ARHGAP24: variants seen among roughly 807,000 people sequenced by gnomAD.
ARHGAP24 encodes the protein Rho GTPase activating protein 24.
In ARHGAP24, 50 loss-of-function variants were observed where a neutral mutation model predicts 76.4. That is an observed-to-expected ratio of 0.65 (90% confidence interval 0.52 to 0.83). ARHGAP24 has a LOEUF of 0.83. Among genes scored for constraint, ARHGAP24 ranks in the 40% least tolerant of loss-of-function variants. ARHGAP24 has a pLI of 0.00. For missense variants in ARHGAP24, 930 were observed against 914.2 expected, an observed-to-expected ratio of 1.02 and a Z score of -0.22; for synonymous variants, 345 against 323.3, an observed-to-expected ratio of 1.07 and a Z score of -0.72.
chr4:85,721,647 T>G (rs1381408747), intron 2 of ARHGAP24, among the ~76,000 whole-genome samples: 1 of 152,184 alleles, frequency 6.6e-6, no homozygotes, highest in Non-Finnish European at 1.5e-5. Context: ...TTAAGATGAA[T>G]CTAGCAGCTA....
intron 8 of ARHGAP24, among the ~76,000 whole-genome samples, chr4:85,987,671 A>G (rs566916113): frequency 7.9e-5 from 12 of 152,176 alleles, no homozygotes; most frequent in South Asian, 4.2e-4. Flanking sequence ...TTAAGTGAAT[A>G]TTACACTCGA....
At chr4:85,889,700 G>T (rs1432198945) in intron 3 of ARHGAP24, among the ~76,000 whole-genome samples, 1 of 152,164 alleles carries the variant, frequency 6.6e-6, no homozygotes, top group Non-Finnish European at 1.5e-5. Flanking sequence ...ACTGGTTAAA[G>T]TTCCAAACAT....
At chr4:85,593,653 T>A (rs1728206025) in intron 2 of ARHGAP24, among the ~76,000 whole-genome samples, 1 of 152,160 alleles carries the variant, frequency 6.6e-6, no homozygotes, top group Non-Finnish European at 1.5e-5. Context: ...GGGGGTCCAG[T>A]TTCATTATTT....
At chr4:85,622,884 A>G (rs1241101819) in intron 2 of ARHGAP24, among the ~76,000 whole-genome samples, 6 of 152,124 alleles carry the variant, frequency 3.9e-5, no homozygotes, top group Non-Finnish European at 8.8e-5. Context: ...TTTTGGCTGC[A>G]TAAATGTCTT....
At chr4:85,731,027 C>G (rs77084848) in intron 3 of ARHGAP24, among the ~76,000 whole-genome samples, 6,030 of 80,252 alleles carry the variant, frequency 0.075, 144 homozygotes, top group African/African-American at 0.14. Flanking sequence ...CACACACACA[C>G]AGAGAGAGAG....
At chr4:85,537,096 G>A (rs1208126236) in intron 1 of ARHGAP24, among the ~76,000 whole-genome samples, 1 of 152,036 alleles carries the variant, frequency 6.6e-6, no homozygotes, top group Non-Finnish European at 1.5e-5. Context: ...TATGTTAGAT[G>A]CTCTATATTC....
At chr4:85,975,182 A>G (rs113913765) in intron 7 of ARHGAP24, among the ~76,000 whole-genome samples, 16 of 152,186 alleles carry the variant, frequency 1.1e-4, no homozygotes, top group African/African-American at 3.9e-4. Context: ...GCCTCTACAC[A>G]CTAAAGATAG....
chr4:85,577,396 A>C (rs1331614523), intron 2 of ARHGAP24, among the ~76,000 whole-genome samples: 1 of 152,096 alleles, frequency 6.6e-6, no homozygotes, highest in Non-Finnish European at 1.5e-5. Flanking sequence ...TTGGCTTCCA[A>C]ATTCACCATG....
At chr4:85,731,025 C>CAG (rs1245948120) in intron 3 of ARHGAP24, among the ~76,000 whole-genome samples, 1,793 of 83,656 alleles carry the variant, frequency 0.021, 34 homozygotes, top group African/African-American at 0.062. Flanking sequence ...CACACACACA[C>CAG]ACAGAGAGAG....
intron 4 of ARHGAP24, among the ~76,000 whole-genome samples, chr4:85,934,349 T>C: frequency 6.6e-6 from 1 of 152,210 alleles, no homozygotes; most frequent in Non-Finnish European, 1.5e-5. Context: ...CACTTCTTCA[T>C]GTCTCTTCAC....
chr4:85,623,987 G>A (rs1353966822), intron 2 of ARHGAP24, among the ~76,000 whole-genome samples: 1 of 152,068 alleles, frequency 6.6e-6, no homozygotes, highest in Non-Finnish European at 1.5e-5. Context: ...GAGATTTTGG[G>A]CTGAGACAAT....
At chr4:85,690,544 ATT>A (rs757505410) in intron 2 of ARHGAP24, among the ~76,000 whole-genome samples, 3 of 152,048 alleles carry the variant, frequency 2.0e-5, no homozygotes, top group Non-Finnish European at 2.9e-5. Flanking sequence ...ACTTTGGAAG[ATT>A]GTGTGTTTCC....
chr4:85,706,085 C>T (rs946459446), intron 2 of ARHGAP24, among the ~76,000 whole-genome samples: 5 of 152,092 alleles, frequency 3.3e-5, no homozygotes, highest in South Asian at 2.1e-4. Flanking sequence ...TAAAAAAGAT[C>T]GGAGGTGACC....
At chr4:85,935,454 G>A (rs1207550181) in intron 4 of ARHGAP24, among the ~76,000 whole-genome samples, 2 of 152,200 alleles carry the variant, frequency 1.3e-5, no homozygotes, top group Non-Finnish European at 2.9e-5. Flanking sequence ...AAAGGAAATC[G>A]GGTTTGGTCT....
At chr4:85,778,380 A>T (rs1169332523) in intron 3 of ARHGAP24, among the ~76,000 whole-genome samples, 1 of 152,198 alleles carries the variant, frequency 6.6e-6, no homozygotes, top group Admixed American at 6.5e-5. Flanking sequence ...TATAGAGGAA[A>T]AGGCAAACTA....
chr4:85,809,141 TACAAAC>T (rs1728908620), intron 3 of ARHGAP24, among the ~76,000 whole-genome samples: 1 of 152,188 alleles, frequency 6.6e-6, no homozygotes, highest in Non-Finnish European at 1.5e-5. Context: ...TTTCTATTAA[TACAAAC>T]ACAAACAAGA....
intron 7 of ARHGAP24, 63 bp from the exon 8 acceptor site, chr4:85,977,507 G>T (rs754435813): frequency 8.3e-6 from 13 of 1,573,806 alleles, no homozygotes; most frequent in Non-Finnish European, 1.0e-5. Flanking sequence ...TCTAATGATC[G>T]ATTTTTCTTC....
chr4:85,520,489 C>T (rs1224504054), intron 1 of ARHGAP24, among the ~76,000 whole-genome samples: 1 of 152,114 alleles, frequency 6.6e-6, no homozygotes, highest in Admixed American at 6.6e-5. Flanking sequence ...TCAGTAATGC[C>T]TAATGTAGTG....
chr4:85,827,461 CGTGTGTGTGTGT>C (rs56379272), intron 3 of ARHGAP24, among the ~76,000 whole-genome samples: 2,647 of 108,710 alleles, frequency 0.024, 49 homozygotes, highest in African/African-American at 0.047. Flanking sequence ...GAAGTCTGCC[CGTGTGTGTGTGT>C]GTGTGTGTGT....
Sources: gnomAD v4.1 joint callset for allele counts (sites outside exome capture counted in the v4.1 genomes callset) on GRCh38, gnomAD v4.1.1 for gene constraint, MANE v1.5 for transcripts, NCBI Gene and HGNC (gene_info 2026-07-23, HGNC 2026-07-21) for gene names.